The following TUBB variants were observed in gnomAD, a reference collection of about 807,000 sequenced individuals.
TUBB encodes tubulin beta class I, also known as tubulin beta chain.
In TUBB, 2 loss-of-function variants were observed where a neutral mutation model predicts 35.1. That is an observed-to-expected ratio of 0.06 (90% CI 0.02 to 0.18). The LOEUF is 0.18. Ranked by LOEUF, TUBB falls within the 10% of genes least tolerant of loss-of-function variation. The pLI is 1.00. For missense variants in TUBB, 50 were observed against 599.4 expected (o/e 0.08, Z 9.57); for synonymous variants, 205 against 223.8 (o/e 0.92, Z 0.75).
intron 1 of TUBB, among the ~76,000 whole-genome samples, chr6:30,721,397 C>G (rs1159729104): frequency 7.0e-6 from 1 of 142,592 alleles, no homozygotes; most frequent in Admixed American, 7.1e-5. Context: ...GCGGCTGCTA[C>G]GTTGTAGCAG....
At position 30,721,509 on chromosome 6, in the gene TUBB, C is replaced by G. The variant is rs1776246488; in HGVS notation, c.57+946C>G. 3 of 977,280 alleles carry G rather than the reference C, an allele frequency of 3.1e-6. No individual in the cohort carries two copies. The African/African-American group carries it at 5.3e-5, about 17-fold the overall frequency. 60.5% of individuals were successfully genotyped at this position (977,280 alleles called of 1,614,324 possible). A position where few individuals can be genotyped will look rare whatever the true frequency, so the allele number is the denominator to read the frequency against. ...GCGCGCTACCTTGGGCCCCGCCCCT[C>G]GCGCGCGGAATTTTTGTCCCTGGCC... is the stretch of plus-strand genomic sequence containing the variant. On this transcript the variant is annotated intron_variant, in intron 1 of 3. Coordinates refer to ENST00000327892, the MANE Select transcript of TUBB (RefSeq NM_178014.4).
rs17189364 is a variant in TUBB at position 30,722,858 on chromosome 6, G to A, written c.167-60G>A. ...TGATCCCTGCTGTCTCCCATTTCCA[G>A]TATATCTATAAACCTTCCCTTCTGC... On this transcript the variant is annotated intron_variant, in intron 2 of 3. Coordinates refer to ENST00000327892, the MANE Select transcript of TUBB (RefSeq NM_178014.4). 0.017 allele frequency: 24,747 copies of A among 1,420,080 alleles called. 418 individuals carry two copies. Among genetic ancestry groups the A allele is most frequent in the African/African-American group, 0.071 (5,011 of 70,438 alleles). 88.0% of individuals were successfully genotyped at this position (1,420,080 alleles called of 1,614,324 possible).
chr6:30,720,383 C>T lies in TUBB; in HGVS notation c.-124C>T. 3.2e-6 allele frequency: 3 copies of T among 924,476 alleles called. No homozygotes were observed. Among genetic ancestry groups the T allele is most frequent in the South Asian group, 2.7e-5 (2 of 73,644 alleles). The allele number at this position is 924,476 out of a possible 1,614,324, so 57.3% of individuals were successfully genotyped here. The stretch of plus-strand genomic sequence containing the variant: ...GAACCTTCCTGCCGTCGCGTTTGCA[C>T]CTCGCTGCTCCAGCCTCTGGGGCGC... On this transcript the variant is annotated 5_prime_UTR_variant, in exon 1 of 4. Transcript: ENST00000327892.
rs1317142774 is a variant in TUBB at position 30,721,690 on chromosome 6, A to T, written c.58-847A>T. The T allele has an allele frequency of 5.1e-6, 5 of 984,604 alleles. No homozygotes were observed. In the East Asian group the frequency reaches 5.7e-4, roughly 112 times the overall value. 61.0% of individuals were successfully genotyped at this position (984,604 alleles called of 1,614,324 possible). On this transcript the variant is annotated intron_variant, in intron 1 of 3. Transcript: ENST00000327892. Reference sequence around the variant, plus strand: ...GGTGGGGCGGTGCCCAGCTTGGGGGAAGGAGAGCGGCGCTTATCGAAGTGT... The same window carrying T: ...GGTGGGGCGGTGCCCAGCTTGGGGGTAGGAGAGCGGCGCTTATCGAAGTGT...
intron 1 of TUBB, 136 bp downstream of exon 1, chr6:30,720,699 T>C (rs1776160748): frequency 1.4e-6 from 1 of 728,456 alleles, no homozygotes; most frequent in Admixed American, 3.0e-5. Flanking sequence ...CATTTATATA[T>C]ATAACAATTG....
At position 30,722,599 on chromosome 6, in the gene TUBB, C is replaced by T. The variant is rs778607642; in HGVS notation, c.120C>T (p.Ser40=). The T allele has an allele frequency of 1.9e-5, 31 of 1,613,996 alleles. No homozygotes were observed. The highest frequency in any genetic ancestry group is 2.6e-5 in the Non-Finnish European group (31 of 1,180,022). ...CCACCGGCACCTACCACGGGGACAG[C>T]GACCTGCAGCTGGACCGCATCTCTG... ...IDPTGTYHGD[S]DLQLDRISVY... Residue 40 remains serine, a synonymous_variant, in exon 2 of 4, where the codon AGC becomes AGT. Coordinates refer to ENST00000327892, the MANE Select transcript of TUBB (RefSeq NM_178014.4).
rs770114111 is a variant in TUBB at position 30,724,383 on chromosome 6, G to A, written c.1321G>A (p.Glu441Lys). The change falls in exon 4 of 4, where the codon GAA (glutamate) becomes AAA (lysine). Residue 441 changes from glutamate (E) to lysine (K), a missense_variant. Transcript: ENST00000327892. The surrounding 1 kb of genome is among the most constrained non-coding windows in gnomAD (Gnocchi z 4.4). ...GGAGGAGGATTTCGGTGAGGAGGCC[G>A]AAGAGGAGGCCTAAGGCAGAGCCCC... ...EEEEDFGEEA[E>K]EEA The A allele has an allele frequency of 2.5e-6, 4 of 1,611,078 alleles. No homozygotes were observed. The African/African-American group carries it at 4.0e-5, about 16-fold the overall frequency.
In TUBB at chr6:30,720,407, G is replaced by A. The variant is rs1776135111; in HGVS notation, c.-100G>A. ...ACCTCGCTGCTCCAGCCTCTGGGGC[G>A]CATTCCAACCTTCCAGCCTGCGACC... On this transcript the variant is annotated 5_prime_UTR_variant, in exon 1 of 4. Coordinates refer to ENST00000327892, the MANE Select transcript of TUBB (RefSeq NM_178014.4). 3 of 1,152,854 alleles carry A rather than the reference G, an allele frequency of 2.6e-6. No homozygotes were observed. Among genetic ancestry groups the A allele is most frequent in the Non-Finnish European group, 3.9e-6 (3 of 768,684 alleles). The allele number at this position is 1,152,854 out of a possible 1,614,324, so 71.4% of individuals were successfully genotyped here.
At position 30,724,340 on chromosome 6, in the gene TUBB, G is replaced by A. The variant is rs754714222; in HGVS notation, c.1278G>A (p.Gln426=). 3.1e-5 allele frequency: 50 copies of A among 1,612,716 alleles called. No homozygotes were observed. The highest frequency in any genetic ancestry group is 9.3e-6 in the Non-Finnish European group (11 of 1,179,872). ...NDLVSEYQQY[Q]DATAEEEEDF... ...TCGTCTCTGAGTATCAGCAGTACCA[G>A]GATGCCACCGCAGAAGAGGAGGAGG... is the stretch of plus-strand genomic sequence containing the variant. Residue 426 remains glutamine, a synonymous_variant, in exon 4 of 4, where the codon CAG becomes CAA. Transcript: ENST00000327892. The surrounding 1 kb of genome is among the most constrained non-coding windows in gnomAD (Gnocchi z 4.4).
chr6:30,723,701 C>T lies in TUBB; in HGVS notation c.639C>T (p.Arg213=). 1 of 1,614,200 alleles carries T rather than the reference C, an allele frequency of 6.2e-7. No homozygotes were observed. The highest frequency in any genetic ancestry group is 1.1e-5 in the South Asian group (1 of 91,084). The change falls in exon 4 of 4, where the codon CGC becomes CGT. Residue 213 remains arginine, a synonymous_variant. Coordinates refer to ENST00000327892, the MANE Select transcript of TUBB (RefSeq NM_178014.4). ...DNEALYDICF[R]TLKLTTPTYG... ...AGGCCCTCTATGATATCTGCTTCCG[C>T]ACTCTGAAGCTGACCACACCAACCT...
chr6:30,723,493 G>A lies in TUBB; in HGVS notation c.431G>A (p.Gly144Asp), dbSNP rs11546751. Reference protein sequence around the residue: ...QLTHSLGGGTGSGMGTLLISK... With the variant: ...QLTHSLGGGTDSGMGTLLISK... ...ACCCACTCACTGGGCGGGGGCACAG[G>A]CTCTGGAATGGGCACTCTCCTTATC... Residue 144 changes from glycine to aspartate, a missense_variant, in exon 4 of 4, where the codon GGC (glycine) becomes GAC (aspartate). Gly to Asp is a moderately conservative substitution (Grantham distance 94). Transcript: ENST00000327892. 1 of 1,614,186 alleles carries A rather than the reference G, an allele frequency of 6.2e-7. No individual in the cohort carries two copies. Among genetic ancestry groups the A allele is most frequent in the Non-Finnish European group, 8.5e-7 (1 of 1,180,018 alleles).
At position 30,723,542 on chromosome 6, in the gene TUBB, T is replaced by C; in HGVS notation, c.480T>C (p.Pro160=). 1 of 1,614,244 alleles carries C rather than the reference T, an allele frequency of 6.2e-7. No individual in the cohort carries two copies. Among genetic ancestry groups the C allele is most frequent in the Non-Finnish European group, 8.5e-7 (1 of 1,180,040 alleles). Residue 160 remains proline, a synonymous_variant, in exon 4 of 4, where the codon CCT becomes CCC. Transcript: ENST00000327892. ...TCAGCAAGATCCGAGAAGAATACCCTGATCGCATCATGAATACCTTCAGTG... is the reference window on the plus strand; with the variant it reads ...TCAGCAAGATCCGAGAAGAATACCCCGATCGCATCATGAATACCTTCAGTG... The part of the protein sequence containing the change: ...LLISKIREEY[P]DRIMNTFSVV...
chr6:30,721,552 C>CT, intron 1 of TUBB: 1 of 985,294 alleles, frequency 1.0e-6, no homozygotes, highest in Non-Finnish European at 1.2e-6. Flanking sequence ...CGCGCGAAGT[C>CT]TTTTGTCGGC....
intron 1 of TUBB, 101 bp downstream of exon 1, chr6:30,720,664 A>G: frequency 1.9e-6 from 2 of 1,027,122 alleles, no homozygotes; most frequent in Non-Finnish European, 2.9e-6. Context: ...TCCTTAATCA[A>G]GATTTGCCCC....
chr6:30,723,123 A>G (rs940000680), intron 3 of TUBB, 95 bp downstream of exon 3: 2 of 1,102,084 alleles, frequency 1.8e-6, no homozygotes, highest in Admixed American at 2.0e-5. Context: ...TGATTGTTGT[A>G]TTGGAGTGCT....
rs746344292 is a variant in TUBB at position 30,722,900 on chromosome 6, T to A, written c.167-18T>A. ...CCCTTCTGCCAGATTTCACAGCTCT[T>A]AACTTTATTCTCTGTAGGTGGCAAA... On this transcript the variant is annotated intron_variant, in intron 2 of 3. Coordinates refer to ENST00000327892, the MANE Select transcript of TUBB (RefSeq NM_178014.4). 1.9e-6 allele frequency: 3 copies of A among 1,600,534 alleles called. No homozygotes were observed. The highest frequency in any genetic ancestry group is 2.6e-6 in the Non-Finnish European group (3 of 1,170,162).
rs934098473 is a variant in TUBB at position 30,722,742 on chromosome 6, T to C, written c.166+97T>C. ...CTGGGCACGCCTTATCCCCTTTGGGTGAATCTGTCATTTTGTCCCTTTCGT... is the reference window on the plus strand; with the variant it reads ...CTGGGCACGCCTTATCCCCTTTGGGCGAATCTGTCATTTTGTCCCTTTCGT... On this transcript the variant is annotated intron_variant, in intron 2 of 3. Transcript: ENST00000327892. 2.1e-5 allele frequency: 25 copies of C among 1,219,286 alleles called. No individual in the cohort carries two copies. The South Asian group carries it at 2.4e-4, about 12-fold the overall frequency. 75.5% of individuals were successfully genotyped at this position (1,219,286 alleles called of 1,614,324 possible). A position where few individuals can be genotyped will look rare whatever the true frequency, so the allele number is the denominator to read the frequency against.
chr6:30,724,076 C>T lies in TUBB; in HGVS notation c.1014C>T (p.Ser338=). Reference sequence around the variant, plus strand: ...TGCTTAACGTGCAGAACAAGAACAGCAGCTACTTTGTGGAATGGATCCCCA... The same window carrying T: ...TGCTTAACGTGCAGAACAAGAACAGTAGCTACTTTGTGGAATGGATCCCCA... The part of the protein sequence containing the change: ...EQMLNVQNKN[S]SYFVEWIPNN... The change falls in exon 4 of 4, where the codon AGC becomes AGT. Residue 338 remains serine, a synonymous_variant. Coordinates refer to ENST00000327892, the MANE Select transcript of TUBB (RefSeq NM_178014.4). This position sits in a 1 kb window ranked among gnomAD's most constrained non-coding sequence, Gnocchi z 4.4. 6.2e-7 allele frequency: 1 copy of T among 1,613,544 alleles called. No homozygotes were observed. The highest frequency in any genetic ancestry group is 8.5e-7 in the Non-Finnish European group (1 of 1,179,582).
In TUBB at chr6:30,722,931, T is replaced by C. The variant is rs768761672; in HGVS notation, c.180T>C (p.Val60=). 2 of 1,612,170 alleles carry C rather than the reference T, an allele frequency of 1.2e-6. No individual in the cohort carries two copies. Among genetic ancestry groups the C allele is most frequent in the Non-Finnish European group, 1.7e-6 (2 of 1,179,390 alleles). ...TATTCTCTGTAGGTGGCAAATATGTTCCTCGTGCCATCCTGGTGGATCTAG... is the reference window on the plus strand; with the variant it reads ...TATTCTCTGTAGGTGGCAAATATGTCCCTCGTGCCATCCTGGTGGATCTAG... The part of the protein sequence containing the change: ...YYNEATGGKY[V]PRAILVDLEP... Residue 60 remains valine, a synonymous_variant, in exon 3 of 4, where the codon GTT becomes GTC. Coordinates refer to ENST00000327892, the MANE Select transcript of TUBB (RefSeq NM_178014.4).
Sources: gnomAD v4.1 joint callset for allele counts (sites outside exome capture counted in the v4.1 genomes callset) on GRCh38, gnomAD v4.1.1 for gene constraint, Gnocchi (gnomAD v3.1) non-coding constraint, MANE v1.5 for transcripts, NCBI Gene and HGNC (gene_info 2026-07-23, HGNC 2026-07-21) for gene names.